The following FGF17 variants were observed in gnomAD, a reference collection of about 807,000 sequenced individuals.
FGF17 encodes fibroblast growth factor 17.
A neutral mutation model predicts 23.5 loss-of-function variants in FGF17; 5 were observed. The observed-to-expected ratio is 0.21, with a 90% CI of 0.11 to 0.45. FGF17 has a LOEUF of 0.45. FGF17 is among the 20% of genes least tolerant of loss of function. The pLI is 0.99. For missense variants in FGF17, 221 were observed against 306.9 expected, an observed-to-expected ratio of 0.72 and a Z score of 2.09; for synonymous variants, 136 against 123.0, an observed-to-expected ratio of 1.11 and a Z score of -0.70.
intron 2 of FGF17, chr8:22,044,948 G>C (rs1585535617): frequency 1.0e-6 from 1 of 985,834 alleles, no homozygotes; most frequent in Non-Finnish European, 1.2e-6. Context: ...TAGGGATTTG[G>C]GGCAGGGGCT....
At chr8:22,046,331 C>G (rs1179522546) in intron 3 of FGF17, 40 bp downstream of exon 3, 1 of 1,593,870 alleles carries the variant, frequency 6.3e-7, no homozygotes, top group South Asian at 1.1e-5. Context: ...CACACCTCCA[C>G]TCTGCCTCAC....
rs2129711833 is a variant in FGF17 at position 22,048,333 on chromosome 8, G to A, written c.*84G>A. The stretch of plus-strand genomic sequence containing the variant: ...TCCAAGGACTGGGCTGGGGTGGCGG[G>A]AGGGGAGCCAGATCCCCGAGGGAGG... On this transcript the variant is annotated 3_prime_UTR_variant, in exon 5 of 5. Coordinates refer to ENST00000359441, the MANE Select transcript of FGF17 (RefSeq NM_003867.4). The surrounding 1 kb of genome is among the most constrained non-coding windows in gnomAD (Gnocchi z 6.9). The A allele has an allele frequency of 2.4e-6, 3 of 1,230,128 alleles. No homozygotes were observed. The highest frequency in any genetic ancestry group is 1.5e-5 in the African/African-American group (1 of 66,124). 76.2% of individuals were successfully genotyped at this position (1,230,128 alleles called of 1,614,324 possible).
chr8:22,044,735 A>C, intron 2 of FGF17: 1 of 985,442 alleles, frequency 1.0e-6, no homozygotes, highest in Non-Finnish European at 1.2e-6. Context: ...GGGGAGGTGC[A>C]ATTGGAAATG....
upstream of FGF17, among the ~76,000 whole-genome samples, chr8:22,040,982 C>T (rs550023948): frequency 1.8e-4 from 28 of 152,270 alleles, no homozygotes; most frequent in African/African-American, 6.3e-4. Context: ...GAGGTGGGCA[C>T]GCGGGCACCT....
At position 22,044,392 on chromosome 8, in the gene FGF17, A is replaced by G. The variant is rs1414383257; in HGVS notation, c.72+1211A>G. ...CCCGCAGCGGGAACATGAAAGGGAC[A>G]GGCTAGGTCCCGCGGGGAGAGGGAC... On this transcript the variant is annotated intron_variant, in intron 2 of 4. Transcript: ENST00000359441. 2.7e-5 allele frequency among the ~76,000 whole-genome samples: 4 copies of G among 150,182 alleles called. No homozygotes were observed. In the East Asian group the frequency reaches 8.0e-4, roughly 30 times the overall value.
intron 2 of FGF17, chr8:22,044,862 G>A (rs900409822): frequency 1.3e-4 from 129 of 985,306 alleles, no homozygotes; most frequent in Non-Finnish European, 1.5e-4. Context: ...CTAGGAGAGA[G>A]TAGCCCCTAA....
At position 22,046,270 on chromosome 8, in the gene FGF17, G is replaced by A; in HGVS notation, c.229G>A (p.Ala77Thr). The A allele has an allele frequency of 2.5e-6, 4 of 1,613,566 alleles. No individual in the cohort carries two copies. The highest frequency in any genetic ancestry group is 1.1e-5 in the South Asian group (1 of 91,064). ...CACCGGGCGTCGCATCTCCGCCACCGCCGAGGACGGCAACAAGTTTGGTGA... is the reference window on the plus strand; with the variant it reads ...CACCGGGCGTCGCATCTCCGCCACCACCGAGGACGGCAACAAGTTTGGTGA... ...QVTGRRISATAEDGNKFAKLI... is the reference protein window; with the variant it reads ...QVTGRRISATTEDGNKFAKLI... Residue 77 changes from alanine to threonine, a missense_variant, in exon 3 of 5, where the codon GCC becomes ACC. Ala to Thr is a moderately conservative substitution (Grantham distance 58). Coordinates refer to ENST00000359441, the MANE Select transcript of FGF17 (RefSeq NM_003867.4).
At position 22,048,632 on chromosome 8, in the gene FGF17, G is replaced by A. The variant is rs1801022988; in HGVS notation, c.*383G>A. 1 of 258,486 alleles carries A rather than the reference G, an allele frequency of 3.9e-6. No individual in the cohort carries two copies. 16.0% of individuals were successfully genotyped at this position (258,486 alleles called of 1,614,324 possible). A position where few individuals can be genotyped will look rare whatever the true frequency, so the allele number is the denominator to read the frequency against. ...TCGGATCTCCCTCAGTCTGCCCCCAGCCCCCAAACTCCTCCTGGCTAGACT... is the reference window on the plus strand; with the variant it reads ...TCGGATCTCCCTCAGTCTGCCCCCAACCCCCAAACTCCTCCTGGCTAGACT... On this transcript the variant is annotated 3_prime_UTR_variant, in exon 5 of 5. Coordinates refer to ENST00000359441, the MANE Select transcript of FGF17 (RefSeq NM_003867.4). This position sits in a 1 kb window ranked among gnomAD's most constrained non-coding sequence, Gnocchi z 6.9.
Position 22,048,307 on chromosome 8 carries a change from A to C in FGF17, c.*58A>C. On this transcript the variant is annotated 3_prime_UTR_variant, in exon 5 of 5. Transcript: ENST00000359441. The surrounding 1 kb of genome is among the most constrained non-coding windows in gnomAD (Gnocchi z 6.9). ...GCCTCCCCACCCCTTTCCCTTCTTA[A>C]TCCAAGGACTGGGCTGGGGTGGCGG... The C allele has an allele frequency of 2.2e-5, 30 of 1,372,332 alleles. No homozygotes were observed. The highest frequency in any genetic ancestry group is 2.7e-5 in the Non-Finnish European group (27 of 1,006,538). The allele number at this position is 1,372,332 out of a possible 1,614,324, so 85.0% of individuals were successfully genotyped here.
upstream of FGF17, among the ~76,000 whole-genome samples, chr8:22,042,128 C>T (rs1455984682): frequency 6.6e-6 from 1 of 152,230 alleles, no homozygotes; most frequent in African/African-American, 2.4e-5. Context: ...GGAAAAGGGG[C>T]TTAGGCCAGG....
chr8:22,046,806 G>A (rs1800880399), intron 4 of FGF17, among the ~76,000 whole-genome samples, 173 bp downstream of exon 4: 1 of 152,108 alleles, frequency 6.6e-6, no homozygotes, highest in Non-Finnish European at 1.5e-5. Flanking sequence ...TTAGAGTCCG[G>A]GTCTTGCTCT....
At chr8:22,042,690 A>G, upstream of FGF17, 1 of 604,032 alleles carries the variant, frequency 1.7e-6, no homozygotes, top group Non-Finnish European at 2.9e-6. Context: ...TCTGCTTTGC[A>G]GCCTCACTGG....
At position 22,046,567 on chromosome 8, in the gene FGF17, T is replaced by A; in HGVS notation, c.291T>A (p.Val97=). The A allele has an allele frequency of 1.9e-6, 3 of 1,613,922 alleles. No individual in the cohort carries two copies. Among genetic ancestry groups the A allele is most frequent in the Non-Finnish European group, 2.5e-6 (3 of 1,179,946 alleles). ...IVETDTFGSR[V]RIKGAESEKY... ...AGACGGACACGTTTGGCAGCCGGGT[T>A]CGCATCAAAGGGGCTGAGAGTGAGA... Residue 97 remains valine, a synonymous_variant, in exon 4 of 5, where the codon GTT becomes GTA. Transcript: ENST00000359441.
chr8:22,044,036 C>T (rs1024631589), intron 2 of FGF17, among the ~76,000 whole-genome samples: 7 of 151,818 alleles, frequency 4.6e-5, no homozygotes, highest in African/African-American at 1.2e-4. Context: ...TTCCCCCCCC[C>T]TTCCTTCCCC....
At chr8:22,041,232 G>GT (rs1156594195), upstream of FGF17, among the ~76,000 whole-genome samples, 5 of 152,160 alleles carry the variant, frequency 3.3e-5, no homozygotes, top group African/African-American at 1.2e-4. Flanking sequence ...CCTGGGCTGG[G>GT]TTCCCGAGGA....
At chr8:22,044,954 G>A in intron 2 of FGF17, 1 of 985,860 alleles carries the variant, frequency 1.0e-6, no homozygotes, top group African/African-American at 1.7e-5. Flanking sequence ...TTTGGGGCAG[G>A]GGCTGAGAAA....
intron 2 of FGF17, chr8:22,044,682 G>T (rs1050133713): frequency 1.8e-5 from 18 of 985,642 alleles, no homozygotes; most frequent in Non-Finnish European, 2.0e-5. Context: ...CCAGGGTGGG[G>T]CGAGGGGCAG....
Position 22,047,946 on chromosome 8 carries a change from T to A in FGF17, c.358-10T>A, listed in dbSNP as rs199662179. 2.3e-5 allele frequency: 37 copies of A among 1,595,018 alleles called. No individual in the cohort carries two copies. The African/African-American group carries it at 4.8e-4, about 21-fold the overall frequency. On this transcript the variant is annotated splice_polypyrimidine_tract_variant and intron_variant, in intron 4 of 4. Transcript: ENST00000359441. ...GACAAATGCCCTTCCTGTCCTTGCT[T>A]CTCCCGCAGCCCAGCGGGAAGAGCA...
chr8:22,040,588 C>G (rs932347755), upstream of FGF17, among the ~76,000 whole-genome samples: 5 of 152,274 alleles, frequency 3.3e-5, no homozygotes. Context: ...CATGGAGACC[C>G]AGGCTGGCCT....
Sources: gnomAD v4.1 joint callset for allele counts (sites outside exome capture counted in the v4.1 genomes callset) on GRCh38, gnomAD v4.1.1 for gene constraint, Gnocchi (gnomAD v3.1) non-coding constraint, MANE v1.5 for transcripts, NCBI Gene and HGNC (gene_info 2026-07-23, HGNC 2026-07-21) for gene names.